Variants in MAML3 observed in about 807,000 individuals in gnomAD.
MAML3 encodes mastermind-like protein 3.
MAML3 carries 27 observed loss-of-function variants against 101.9 expected under a neutral mutation model. That is an observed-to-expected ratio of 0.27 (90% CI 0.20 to 0.37). The LOEUF (loss-of-function observed/expected upper bound fraction) is 0.37. Ranked by LOEUF, MAML3 falls within the 10% of genes least tolerant of loss-of-function variation. The pLI is 1.00. For missense variants in MAML3, 1,316 were observed against 1,444.9 expected, an observed-to-expected ratio of 0.91 and a Z score of 1.45; for synonymous variants, 501 against 555.9, an observed-to-expected ratio of 0.90 and a Z score of 1.39.
intron 1 of MAML3, among the ~76,000 whole-genome samples, chr4:140,149,828 A>T (rs953755454): frequency 6.6e-6 from 1 of 151,960 alleles, no homozygotes; most frequent in Admixed American, 6.6e-5. Flanking sequence ...TACAACCTCT[A>T]TTTTTGAGAT....
intron 1 of MAML3, among the ~76,000 whole-genome samples, chr4:140,060,965 A>G (rs1326067686): frequency 6.6e-6 from 1 of 152,210 alleles, no homozygotes; most frequent in Non-Finnish European, 1.5e-5. Flanking sequence ...GGAAGGGAAA[A>G]GCAGCAACTG....
intron 1 of MAML3, among the ~76,000 whole-genome samples, chr4:139,953,615 T>A (rs1733867540): frequency 6.6e-6 from 1 of 152,142 alleles, no homozygotes; most frequent in African/African-American, 2.4e-5. Flanking sequence ...CGAGACTCCG[T>A]CTCATAAAAA....
chr4:139,731,723 C>T (rs1177803307), intron 2 of MAML3, among the ~76,000 whole-genome samples: 3 of 152,146 alleles, frequency 2.0e-5, no homozygotes, highest in Non-Finnish European at 4.4e-5. Context: ...ATGATGGCAA[C>T]TTTTAAGGAC....
chr4:139,892,601 C>T (rs74706997), intron 1 of MAML3, among the ~76,000 whole-genome samples: 4 of 44,840 alleles, frequency 8.9e-5, no homozygotes, highest in Admixed American at 2.7e-4. Context: ...GCCACATTTT[C>T]CAAAAAAAAA....
At chr4:139,914,003 AT>A (rs972226373) in intron 1 of MAML3, among the ~76,000 whole-genome samples, 5 of 150,716 alleles carry the variant, frequency 3.3e-5, no homozygotes, top group South Asian at 4.2e-4. Flanking sequence ...CTACATTAAA[AT>A]TTTTTTTTTA....
chr4:139,936,242 T>C (rs775807356), intron 1 of MAML3, among the ~76,000 whole-genome samples: 33 of 152,212 alleles, frequency 2.2e-4, no homozygotes, highest in Non-Finnish European at 3.8e-4. Flanking sequence ...TATATGTGTG[T>C]ATAAACACAC....
rs140627034 is a variant in MAML3 at position 139,845,738 on chromosome 4, A to G, written c.2079+43619T>C. On this transcript the variant is annotated intron_variant, in intron 2 of 4. Transcript: ENST00000509479. ...CCTTTATAAATCTATGGTGAATGGT[A>G]TAGAATAGTTTCATTGGTACCACAA... Among the ~76,000 whole-genome samples, 406 of 152,338 alleles carry G rather than the reference A, an allele frequency of 2.7e-3. 3 individuals are homozygous for G. The highest frequency in any genetic ancestry group is 0.017 in the Middle Eastern group (5 of 294).
intron 2 of MAML3, among the ~76,000 whole-genome samples, chr4:139,812,075 C>A (rs1730807101): frequency 6.6e-6 from 1 of 152,068 alleles, no homozygotes; most frequent in Non-Finnish European, 1.5e-5. Context: ...GGCAACAGAG[C>A]TAGACCCTGT....
Position 139,863,217 on chromosome 4 carries a change from T to G in MAML3, c.2079+26140A>C, listed in dbSNP as rs376223794. On this transcript the variant is annotated intron_variant, in intron 2 of 4. Transcript: ENST00000509479. ...GTTGCTGTGAAGGTGGGAGTTGATATATGTGAAATGCTTAGCATAATGTTT... is the reference window on the plus strand; with the variant it reads ...GTTGCTGTGAAGGTGGGAGTTGATAGATGTGAAATGCTTAGCATAATGTTT... 1.3e-4 allele frequency among the ~76,000 whole-genome samples: 20 copies of G among 152,024 alleles called. No homozygotes were observed. In the East Asian group the frequency reaches 3.3e-3, roughly 25 times the overall value.
chr4:139,719,924 G>T lies in MAML3; in HGVS notation c.2816C>A (p.Ala939Asp). Reference sequence around the variant, plus strand: ...TGGAGGGGCTTGGGGCCTAGGCAAGGCCTGGCCTACTGGCCCTTTCATCTG... The same window carrying T: ...TGGAGGGGCTTGGGGCCTAGGCAAGTCCTGGCCTACTGGCCCTTTCATCTG... ...HPQMKGPVGQ[A>D]LPRPQAPPRL... The change falls in exon 5 of 5, where the codon GCC (alanine) becomes GAC (aspartate). Residue 939 changes from alanine (A) to aspartate (D), a missense_variant. Transcript: ENST00000509479. The T allele has an allele frequency of 6.2e-7, 1 of 1,614,072 alleles. No individual in the cohort carries two copies. The highest frequency in any genetic ancestry group is 1.7e-5 in the Admixed American group (1 of 60,036).
At chr4:140,064,066 T>C (rs181165870) in intron 1 of MAML3, among the ~76,000 whole-genome samples, 307 of 152,300 alleles carry the variant, frequency 2.0e-3, no homozygotes, top group Middle Eastern at 3.4e-3. Context: ...TTTCTTACCT[T>C]GTCCCCATTT....
chr4:140,046,182 T>C (rs1202375658), intron 1 of MAML3, among the ~76,000 whole-genome samples: 1 of 152,204 alleles, frequency 6.6e-6, no homozygotes, highest in Non-Finnish European at 1.5e-5. Flanking sequence ...AAATAAGTTG[T>C]GAGCAGAGTG....
intron 1 of MAML3, among the ~76,000 whole-genome samples, chr4:140,046,945 AC>A (rs1438744159): frequency 6.6e-6 from 1 of 152,162 alleles, no homozygotes; most frequent in East Asian, 1.9e-4. Context: ...TGCTGTTGGT[AC>A]TACCAAGGGA....
intron 2 of MAML3, among the ~76,000 whole-genome samples, chr4:139,851,995 G>T (rs1731563010): frequency 6.6e-6 from 1 of 152,190 alleles, no homozygotes; most frequent in South Asian, 2.1e-4. Flanking sequence ...CTTAGGACTT[G>T]CTGCTAATTG....
At chr4:139,834,434 G>A (rs898128204) in intron 2 of MAML3, among the ~76,000 whole-genome samples, 2 of 152,202 alleles carry the variant, frequency 1.3e-5, no homozygotes, top group African/African-American at 4.8e-5. Context: ...ACGTAGACTG[G>A]GCCACTTCTG....
At chr4:139,798,088 GAAAGA>G (rs1390033017) in intron 2 of MAML3, among the ~76,000 whole-genome samples, 9 of 114,400 alleles carry the variant, frequency 7.9e-5, no homozygotes, top group Non-Finnish European at 1.9e-5. Context: ...AAGAAAGAAA[GAAAGA>G]AAAGGGATTA....
intron 2 of MAML3, among the ~76,000 whole-genome samples, chr4:139,826,623 A>G (rs1022955029): frequency 6.6e-6 from 1 of 152,172 alleles, no homozygotes; most frequent in African/African-American, 2.4e-5. Flanking sequence ...CTATCTGCAT[A>G]CGAACAGCCT....
intron 1 of MAML3, among the ~76,000 whole-genome samples, chr4:139,913,166 A>T (rs2111225833): frequency 6.6e-6 from 1 of 152,380 alleles, no homozygotes; most frequent in East Asian, 1.9e-4. Context: ...ATGCATATGA[A>T]CACACTAAAT....
At chr4:139,993,604 T>C (rs1414853253) in intron 1 of MAML3, among the ~76,000 whole-genome samples, 1 of 152,024 alleles carries the variant, frequency 6.6e-6, no homozygotes, top group Non-Finnish European at 1.5e-5. Context: ...GGAGGGTGGA[T>C]TGCCTGAGGT....
Sources: allele counts gnomAD v4.1 joint callset (sites outside exome capture counted in the v4.1 genomes callset), GRCh38; gene constraint gnomAD v4.1.1; transcripts MANE v1.5; gene names NCBI Gene and HGNC (gene_info 2026-07-23, HGNC 2026-07-21).